PDE4D: variants seen among roughly 807,000 people sequenced by gnomAD.
The protein encoded by PDE4D is 3',5'-cyclic-AMP phosphodiesterase 4D.
Under a neutral mutation model 87.4 loss-of-function variants are expected in PDE4D, and 24 were observed. That is an observed-to-expected ratio of 0.27 (90% CI 0.20 to 0.39). The LOEUF (loss-of-function observed/expected upper bound fraction) is 0.39. Ranked by LOEUF, PDE4D falls within the 10% of genes least tolerant of loss-of-function variation. The probability of loss-of-function intolerance (pLI) is 1.00; values close to 1 mark genes in which losing one functional copy is unlikely to be tolerated. For missense variants in PDE4D, 714 were observed against 1,041.0 expected (o/e 0.69, Z 4.32); for synonymous variants, 384 against 383.2 (o/e 1.00, Z -0.02).
intron 2 of PDE4D, chr5:60,127,452 C>A (rs1779213723): frequency 2.4e-6 from 1 of 412,314 alleles, no homozygotes; most frequent in Admixed American, 4.3e-5. Flanking sequence ...ATCAAGGCAG[C>A]TATCACTGTG....
intron 1 of PDE4D, among the ~76,000 whole-genome samples, chr5:59,390,722 GAGA>G (rs1329715528): frequency 1.3e-5 from 2 of 152,126 alleles, no homozygotes; most frequent in East Asian, 3.9e-4. Context: ...AGGTTTGTAT[GAGA>G]AGGAGGTAAG....
At chr5:59,268,708 C>T (rs1763274448) in intron 1 of PDE4D, among the ~76,000 whole-genome samples, 2 of 151,984 alleles carry the variant, frequency 1.3e-5, no homozygotes, top group Non-Finnish European at 2.9e-5. Flanking sequence ...TAGCTAATAT[C>T]CCTCAGGCCC....
chr5:60,446,830 A>G (rs949826911), intron 1 of PDE4D, among the ~76,000 whole-genome samples: 1 of 152,068 alleles, frequency 6.6e-6, no homozygotes, highest in East Asian at 1.9e-4. Context: ...CTTCAACCTA[A>G]TTCTGCGCCT....
chr5:59,391,807 C>T (rs1169837316), intron 1 of PDE4D, among the ~76,000 whole-genome samples: 2 of 151,918 alleles, frequency 1.3e-5, no homozygotes, highest in Non-Finnish European at 2.9e-5. Context: ...TGAATGAGGT[C>T]TTTCCTAACA....
intron 1 of PDE4D, among the ~76,000 whole-genome samples, chr5:59,861,007 C>T (rs1273568507): frequency 3.3e-5 from 5 of 151,294 alleles, no homozygotes; most frequent in East Asian, 3.9e-4. Context: ...TACAGGCACC[C>T]GAACACCACA....
At chr5:60,343,256 C>G (rs756969132) in intron 1 of PDE4D, among the ~76,000 whole-genome samples, 1 of 152,058 alleles carries the variant, frequency 6.6e-6, no homozygotes, top group African/African-American at 2.4e-5. Context: ...ATGTAATCAA[C>G]GCAGGGTAGA....
chr5:60,504,652 C>T (rs2150249320), intron 1 of PDE4D, among the ~76,000 whole-genome samples: 1 of 152,270 alleles, frequency 6.6e-6, no homozygotes, highest in Non-Finnish European at 1.5e-5. Context: ...AAGCTCCAAG[C>T]TTAGGTTGTA....
At chr5:59,144,905 G>GA (rs1778402068) in intron 5 of PDE4D, among the ~76,000 whole-genome samples, 7 of 90,280 alleles carry the variant, frequency 7.8e-5, no homozygotes, top group South Asian at 4.8e-4. Flanking sequence ...GGGGGGGGGG[G>GA]AACCATCCAG....
intron 1 of PDE4D, among the ~76,000 whole-genome samples, chr5:59,273,592 GGA>G (rs1449132385): frequency 6.6e-6 from 1 of 151,974 alleles, no homozygotes; most frequent in Non-Finnish European, 1.5e-5. Flanking sequence ...ATTAATAACT[GGA>G]GAGGTTTCTA....
intron 1 of PDE4D, among the ~76,000 whole-genome samples, chr5:59,867,406 A>C (rs1747203510): frequency 6.6e-6 from 1 of 152,196 alleles, no homozygotes; most frequent in Admixed American, 6.5e-5. Context: ...CATTGCTTTC[A>C]CTTATTTAAA....
chr5:59,353,168 T>C (rs1325549939), intron 1 of PDE4D, among the ~76,000 whole-genome samples: 4 of 152,176 alleles, frequency 2.6e-5, no homozygotes, highest in African/African-American at 4.8e-5. Context: ...TTGTTCTCTT[T>C]GGAAGACAGA....
chr5:59,847,404 A>G (rs1057049531), intron 1 of PDE4D, among the ~76,000 whole-genome samples: 3 of 152,064 alleles, frequency 2.0e-5, no homozygotes, highest in Non-Finnish European at 1.5e-5. Context: ...AGGCTGGCCA[A>G]TAACTGACAG....
intron 1 of PDE4D, among the ~76,000 whole-genome samples, chr5:59,476,555 A>G (rs1001332802): frequency 2.0e-5 from 3 of 151,972 alleles, no homozygotes; most frequent in African/African-American, 7.2e-5. Flanking sequence ...GTTCAAATTT[A>G]CTCCCACTGT....
intron 1 of PDE4D, among the ~76,000 whole-genome samples, chr5:59,839,707 C>T (rs888062387): frequency 6.6e-6 from 1 of 152,032 alleles, no homozygotes; most frequent in Non-Finnish European, 1.5e-5. Context: ...CACCTACTCT[C>T]TCTCTTTGTG....
At chr5:59,911,126 C>A (rs190050947) in intron 3 of PDE4D, among the ~76,000 whole-genome samples, 1 of 152,210 alleles carries the variant, frequency 6.6e-6, no homozygotes, top group South Asian at 2.1e-4. Context: ...AAAACAAACT[C>A]TTTTCTTGCC....
Position 58,993,460 on chromosome 5 carries a change from T to C in PDE4D, c.927A>G (p.Lys309=). Residue 309 remains lysine, a synonymous_variant, in exon 7 of 15, where the codon AAA becomes AAG. Transcript: ENST00000340635. ...SVSEMASNKF[K]RMLNRELTHL... ...GGGTGAGCTCCCGATTAAGCATCCT[T>C]TTAAACTGAAAAACAGAAAAGTAAA... 6.3e-7 allele frequency: 1 copy of C among 1,583,092 alleles called. No individual in the cohort carries two copies. Among genetic ancestry groups the C allele is most frequent in the Non-Finnish European group, 8.6e-7 (1 of 1,165,886 alleles).
intron 2 of PDE4D, among the ~76,000 whole-genome samples, chr5:60,009,853 C>T (rs1236222965): frequency 1.3e-5 from 2 of 151,984 alleles, no homozygotes; most frequent in Non-Finnish European, 2.9e-5. Flanking sequence ...GTCATGTTGA[C>T]AAGGATGAAA....
At chr5:59,427,284 T>C (rs1795399368) in intron 1 of PDE4D, among the ~76,000 whole-genome samples, 1 of 113,442 alleles carries the variant, frequency 8.8e-6, no homozygotes, top group African/African-American at 3.7e-5. Context: ...TACAGGGAAG[T>C]GATTTTATAC....
chr5:60,334,559 C>T (rs1757579231), intron 1 of PDE4D, among the ~76,000 whole-genome samples: 1 of 152,018 alleles, frequency 6.6e-6, no homozygotes, highest in Non-Finnish European at 1.5e-5. Flanking sequence ...GCCAGAATTA[C>T]ACAAGATGTG....
Sources: gnomAD v4.1 joint callset for allele counts (sites outside exome capture counted in the v4.1 genomes callset) on GRCh38, gnomAD v4.1.1 for gene constraint, MANE v1.5 for transcripts, NCBI Gene and HGNC (gene_info 2026-07-23, HGNC 2026-07-21) for gene names.